Variants in TBC1D8 observed in about 807,000 individuals in gnomAD.
TBC1D8 encodes BUB2-like protein 1.
Under a neutral mutation model 118.8 loss-of-function variants are expected in TBC1D8, and 65 were observed. The observed-to-expected ratio is 0.55, with a 90% CI of 0.45 to 0.67. The LOEUF (loss-of-function observed/expected upper bound fraction) is 0.67. Among genes scored for constraint, TBC1D8 ranks in the 30% least tolerant of loss-of-function variants. TBC1D8 has a pLI of 0.00. For missense variants in TBC1D8, 1,376 were observed against 1,471.2 expected (o/e 0.94, Z 1.06); for synonymous variants, 566 against 595.8 (o/e 0.95, Z 0.73).
At chr2:101,030,697 T>C (rs766685520) in intron 11 of TBC1D8, among the ~76,000 whole-genome samples, 1 of 152,238 alleles carries the variant, frequency 6.6e-6, no homozygotes, top group African/African-American at 2.4e-5. Flanking sequence ...AAAAGACTTA[T>C]ATGACTGCTC....
chr2:101,016,517 G>A (rs537502038), intron 17 of TBC1D8, among the ~76,000 whole-genome samples: 1 of 152,160 alleles, frequency 6.6e-6, no homozygotes, highest in Admixed American at 6.5e-5. Flanking sequence ...TCAGTGTGGC[G>A]ATTCCTCAGG....
chr2:101,117,506 G>A (rs1481173212), intron 1 of TBC1D8, among the ~76,000 whole-genome samples: 1 of 151,948 alleles, frequency 6.6e-6, no homozygotes, highest in Non-Finnish European at 1.5e-5. Flanking sequence ...CCAGTAAAGG[G>A]CAGATTCAGC....
intron 2 of TBC1D8, among the ~76,000 whole-genome samples, chr2:101,062,643 A>G (rs951327285): frequency 6.6e-6 from 1 of 152,140 alleles, no homozygotes; most frequent in Non-Finnish European, 1.5e-5. Context: ...TATTTGAATC[A>G]TTATTATTTA....
intron 1 of TBC1D8, among the ~76,000 whole-genome samples, chr2:101,118,918 G>T (rs1677976060): frequency 6.6e-6 from 1 of 152,072 alleles, no homozygotes; most frequent in Non-Finnish European, 1.5e-5. Flanking sequence ...GGCTGAGGTG[G>T]GAGGGTCACT....
At chr2:101,133,159 C>CAA (rs34693587) in intron 1 of TBC1D8, among the ~76,000 whole-genome samples, 2 of 88,376 alleles carry the variant, frequency 2.3e-5, no homozygotes, top group African/African-American at 8.8e-5. Flanking sequence ...GACTCCATCT[C>CAA]AAAAAAAAAA....
rs1277962817 is a variant in TBC1D8 at position 101,022,492 on chromosome 2, C to T, written c.2550G>A (p.Glu850=). ...GGCGTGAGGCCATGGGCCTGGGCTG[C>T]TCCCAGTAACAGCTCATCATATGTT... is the stretch of plus-strand genomic sequence containing the variant. ...KREHMMSCYW[E]QPRPMASRHD... The change falls in exon 16 of 20, where the codon GAG becomes GAA. Residue 850 remains glutamate, a synonymous_variant. Coordinates refer to ENST00000409318, the MANE Select transcript of TBC1D8 (RefSeq NM_001330348.2). 1.9e-6 allele frequency: 3 copies of T among 1,599,318 alleles called. No individual in the cohort carries two copies. Among genetic ancestry groups the T allele is most frequent in the Non-Finnish European group, 2.6e-6 (3 of 1,176,010 alleles).
At chr2:101,138,430 C>A (rs538031673) in intron 1 of TBC1D8, among the ~76,000 whole-genome samples, 17 of 152,178 alleles carry the variant, frequency 1.1e-4, no homozygotes, top group Non-Finnish European at 2.5e-4. Context: ...TCAATTCTGA[C>A]ACTAACTACC....
intron 1 of TBC1D8, 93 bp from the exon 2 acceptor site, chr2:101,090,457 T>G: frequency 7.3e-7 from 1 of 1,372,814 alleles, no homozygotes; most frequent in East Asian, 2.4e-5. Context: ...CTGGACTCCA[T>G]GCTGGGGTAG....
intron 1 of TBC1D8, among the ~76,000 whole-genome samples, chr2:101,099,031 A>G (rs548075166): frequency 6.6e-6 from 1 of 150,980 alleles, no homozygotes; most frequent in East Asian, 2.0e-4. Flanking sequence ...AGTGGAGGAG[A>G]TAGAGACACG....
At chr2:101,038,900 G>C (rs1681208261) in intron 6 of TBC1D8, among the ~76,000 whole-genome samples, 1 of 152,350 alleles carries the variant, frequency 6.6e-6, no homozygotes, top group East Asian at 1.9e-4. Context: ...CAGCCTTGAA[G>C]AGGAGGGGAA....
intron 9 of TBC1D8, 112 bp downstream of exon 9, chr2:101,035,906 C>G: frequency 7.9e-7 from 1 of 1,272,234 alleles, no homozygotes; most frequent in South Asian, 1.4e-5. Context: ...AGGAATGACT[C>G]AAAGACAGAA....
At chr2:101,105,917 A>G (rs376392707) in intron 1 of TBC1D8, among the ~76,000 whole-genome samples, 1 of 152,174 alleles carries the variant, frequency 6.6e-6, no homozygotes, top group Non-Finnish European at 1.5e-5. Context: ...CTGCAAGTGA[A>G]TGTTTATGGC....
At chr2:101,027,947 T>C (rs1334667922) in intron 14 of TBC1D8, 101 bp downstream of exon 14, 1 of 998,322 alleles carries the variant, frequency 1.0e-6, no homozygotes, top group Non-Finnish European at 1.5e-6. Flanking sequence ...AATATATATA[T>C]ACATTTTTCA....
chr2:101,018,336 TTCAG>T (rs200372948), intron 17 of TBC1D8: 1 of 94,340 alleles, frequency 1.1e-5, no homozygotes, highest in Non-Finnish European at 2.8e-5. Context: ...ATTAAGTTCA[TTCAG>T]GTTTTCAACG....
intron 2 of TBC1D8, among the ~76,000 whole-genome samples, chr2:101,065,969 G>GA (rs1250398161): frequency 3.9e-5 from 6 of 152,086 alleles, no homozygotes; most frequent in Non-Finnish European, 8.8e-5. Context: ...AGTAGACCAA[G>GA]ACATAAAACA....
At position 101,149,579 on chromosome 2, in the gene TBC1D8, G is replaced by C. The variant is rs1460314133; in HGVS notation, c.127+1548C>G. 2.6e-5 allele frequency among the ~76,000 whole-genome samples: 4 copies of C among 152,166 alleles called. No homozygotes were observed. The East Asian group carries it at 5.8e-4, about 22-fold the overall frequency. On this transcript the variant is annotated intron_variant, in intron 1 of 19. Coordinates refer to ENST00000409318, the MANE Select transcript of TBC1D8 (RefSeq NM_001330348.2). ...ATGTTTCTCACTTCACAAATCTTCAGGCCTTGTCCTCACTCTCTACTAAAT... is the reference window on the plus strand; with the variant it reads ...ATGTTTCTCACTTCACAAATCTTCACGCCTTGTCCTCACTCTCTACTAAAT...
At chr2:101,145,889 C>A (rs1226608210) in intron 1 of TBC1D8, among the ~76,000 whole-genome samples, 1 of 152,228 alleles carries the variant, frequency 6.6e-6, no homozygotes, top group Non-Finnish European at 1.5e-5. Context: ...ATATTAAATA[C>A]TGCACTAATA....
intron 1 of TBC1D8, among the ~76,000 whole-genome samples, chr2:101,120,292 C>A (rs1484207577): frequency 6.6e-6 from 1 of 152,208 alleles, no homozygotes; most frequent in Non-Finnish European, 1.5e-5. Context: ...CCGGTGCCCA[C>A]CCTTCCTGGT....
intron 17 of TBC1D8, among the ~76,000 whole-genome samples, chr2:101,014,185 A>C (rs533404667): frequency 6.6e-5 from 10 of 151,786 alleles, no homozygotes; most frequent in Admixed American, 3.3e-4. Context: ...GCAGTCTTTT[A>C]ATTTCGCAAA....
Sources: gnomAD v4.1 joint callset for allele counts (sites outside exome capture counted in the v4.1 genomes callset) on GRCh38, gnomAD v4.1.1 for gene constraint, MANE v1.5 for transcripts, NCBI Gene and HGNC (gene_info 2026-07-23, HGNC 2026-07-21) for gene names.